ULK4: variants seen among roughly 807,000 people sequenced by gnomAD.
ULK4 encodes unc-51 like kinase 4.
Under a neutral mutation model 160.6 loss-of-function variants are expected in ULK4, and 133 were observed. The observed-to-expected ratio is 0.83, with a 90% confidence interval of 0.72 to 0.96. The LOEUF is 0.96. Ranked by LOEUF, ULK4 falls within the 40% of genes least tolerant of loss-of-function variation. The probability of loss-of-function intolerance (pLI) is 0.00; values close to 1 mark genes in which losing one functional copy is unlikely to be tolerated. For missense variants in ULK4, 1,580 were observed against 1,499.5 expected (o/e 1.05, Z -0.89); for synonymous variants, 534 against 539.8 (o/e 0.99, Z 0.15).
intron 17 of ULK4, among the ~76,000 whole-genome samples, chr3:41,870,135 C>T (rs760364864): frequency 5.9e-5 from 9 of 152,120 alleles, no homozygotes; most frequent in Non-Finnish European, 1.0e-4. Context: ...TAGGACTTTT[C>T]TCTTTAGTTT....
chr3:41,960,347 A>C (rs1188351660), intron 1 of ULK4, among the ~76,000 whole-genome samples: 1 of 151,770 alleles, frequency 6.6e-6, no homozygotes, highest in African/African-American at 2.4e-5. Context: ...AGAGTAAAAT[A>C]AGAATTGGAT....
intron 32 of ULK4, among the ~76,000 whole-genome samples, chr3:41,474,606 TATG>T (rs2125890100): frequency 6.6e-6 from 1 of 151,956 alleles, no homozygotes; most frequent in South Asian, 2.1e-4. Flanking sequence ...AAGCCATACA[TATG>T]ATAAGGGGTT....
At chr3:41,585,997 A>T (rs919144967) in intron 31 of ULK4, among the ~76,000 whole-genome samples, 2 of 152,194 alleles carry the variant, frequency 1.3e-5, no homozygotes, top group Non-Finnish European at 2.9e-5. Flanking sequence ...CTATAAAAAA[A>T]ACACAAATGG....
At chr3:41,522,134 T>C (rs1222716450) in intron 32 of ULK4, among the ~76,000 whole-genome samples, 2 of 150,670 alleles carry the variant, frequency 1.3e-5, no homozygotes, top group South Asian at 2.1e-4. Context: ...TTTTTCTTTT[T>C]TTTTTTTTTT....
intron 30 of ULK4, among the ~76,000 whole-genome samples, chr3:41,620,936 T>C (rs543365020): frequency 2.6e-5 from 4 of 152,200 alleles, no homozygotes; most frequent in Non-Finnish European, 5.9e-5. Context: ...ATAAAATTAA[T>C]GTGCAAAAGT....
At chr3:41,508,186 C>T (rs1205443821) in intron 32 of ULK4, among the ~76,000 whole-genome samples, 3 of 152,116 alleles carry the variant, frequency 2.0e-5, no homozygotes. Flanking sequence ...TCCCTGGTGA[C>T]CTGCGTGACT....
In ULK4 at chr3:41,469,410, A is replaced by T. The variant is rs530017406; in HGVS notation, c.3227-6157T>A. On this transcript the variant is annotated intron_variant, in intron 32 of 36. Coordinates refer to ENST00000301831, the MANE Select transcript of ULK4 (RefSeq NM_017886.4). ...CTGTGGCCCAGCCCAATGATGGGCC[A>T]ACTGTATTTCCAGAGATCAACCAGT... 2.0e-5 allele frequency among the ~76,000 whole-genome samples: 3 copies of T among 152,044 alleles called. No individual in the cohort carries two copies. The East Asian group carries it at 5.8e-4, about 29-fold the overall frequency.
chr3:41,458,688 C>G (rs951122940), intron 33 of ULK4, among the ~76,000 whole-genome samples: 1 of 152,094 alleles, frequency 6.6e-6, no homozygotes, highest in African/African-American at 2.4e-5. Context: ...CAACAGAGGT[C>G]TGCTAAATAT....
chr3:41,847,539 T>A (rs184790739), intron 17 of ULK4, among the ~76,000 whole-genome samples: 2 of 152,290 alleles, frequency 1.3e-5, no homozygotes, highest in Admixed American at 1.3e-4. Context: ...AACACAACTT[T>A]TAAAATATTT....
chr3:41,551,568 G>A (rs1235435469), intron 32 of ULK4, among the ~76,000 whole-genome samples: 2 of 151,654 alleles, frequency 1.3e-5, no homozygotes, highest in African/African-American at 2.4e-5. Context: ...GATTGAATCA[G>A]GAAAAACAGA....
chr3:41,718,308 C>G (rs996251820), intron 22 of ULK4, among the ~76,000 whole-genome samples: 3 of 152,166 alleles, frequency 2.0e-5, no homozygotes, highest in African/African-American at 4.8e-5. Context: ...CATTTTAACA[C>G]TGGGTTATAC....
chr3:41,739,447 C>T (rs1380947139), intron 22 of ULK4, among the ~76,000 whole-genome samples: 3 of 151,906 alleles, frequency 2.0e-5, no homozygotes. Context: ...AAAGAACATC[C>T]TCCCAGTGAG....
At chr3:41,300,957 G>A (rs1263425293) in intron 35 of ULK4, among the ~76,000 whole-genome samples, 1 of 148,164 alleles carries the variant, frequency 6.7e-6, no homozygotes, top group Non-Finnish European at 1.5e-5. Flanking sequence ...TACAGATTGA[G>A]CAGGAGGGTC....
chr3:41,919,628 A>T, intron 6 of ULK4, 89 bp downstream of exon 6: 1 of 1,109,746 alleles, frequency 9.0e-7, no homozygotes, highest in Non-Finnish European at 1.3e-6. Flanking sequence ...TAGTTTTTTC[A>T]CATCTTATAG....
intron 35 of ULK4, among the ~76,000 whole-genome samples, chr3:41,269,619 T>C (rs2079103583): frequency 6.6e-6 from 1 of 152,204 alleles, no homozygotes; most frequent in Non-Finnish European, 1.5e-5. Context: ...CTAAAGTTGT[T>C]TTAATGAAAT....
rs1284010873 is a variant in ULK4 at position 41,898,509 on chromosome 3, A to C, written c.1288-17T>G. ...TTTCATTATCTGTGGTTTAAAAAAA[A>C]AGAAAGCTTTTGAGACAATTTTTAA... On this transcript the variant is annotated splice_polypyrimidine_tract_variant and intron_variant, in intron 13 of 36. Transcript: ENST00000301831. The C allele has an allele frequency of 6.5e-7, 1 of 1,547,002 alleles. No homozygotes were observed. Among genetic ancestry groups the C allele is most frequent in the Non-Finnish European group, 8.8e-7 (1 of 1,134,162 alleles).
intron 35 of ULK4, among the ~76,000 whole-genome samples, chr3:41,328,933 CAAAT>C (rs1477004557): frequency 3.9e-5 from 6 of 152,158 alleles, no homozygotes; most frequent in Admixed American, 6.5e-5. Context: ...ACTAAATTAA[CAAAT>C]AAAATTGATT....
chr3:41,507,178 C>CAA (rs149739568), intron 32 of ULK4, among the ~76,000 whole-genome samples: 66 of 82,108 alleles, frequency 8.0e-4, no homozygotes, highest in African/African-American at 2.9e-3. Flanking sequence ...TAACCAGGAG[C>CAA]AAAAAAAAAA....
At chr3:41,954,897 T>TA (rs1700432384) in intron 1 of ULK4, 90 bp from the exon 2 acceptor site, 1 of 806,680 alleles carries the variant, frequency 1.2e-6, no homozygotes, top group Non-Finnish European at 1.8e-6. Flanking sequence ...ATTATATGTG[T>TA]AAAAAATCTA....
Sources: allele counts gnomAD v4.1 joint callset (sites outside exome capture counted in the v4.1 genomes callset), GRCh38; gene constraint gnomAD v4.1.1; transcripts MANE v1.5; gene names NCBI Gene and HGNC (gene_info 2026-07-23, HGNC 2026-07-21).